Variants in LRRFIP1 observed in about 807,000 individuals in gnomAD.
The protein encoded by LRRFIP1 is leucine-rich repeat flightless-interacting protein 1.
In LRRFIP1, 62 loss-of-function variants were observed where a neutral mutation model predicts 104.4. The observed-to-expected ratio is 0.59, with a 90% confidence interval of 0.48 to 0.73. The LOEUF is 0.73. Ranked by LOEUF, LRRFIP1 falls within the 30% of genes least tolerant of loss-of-function variation. The pLI is 0.00. For synonymous variants in LRRFIP1, 300 were observed against 299.0 expected (o/e 1.00, Z -0.03); for missense variants, 796 against 824.5 (o/e 0.97, Z 0.42).
chr2:237,745,697 C>T (rs914238824), intron 11 of LRRFIP1, among the ~76,000 whole-genome samples: 5 of 152,088 alleles, frequency 3.3e-5, no homozygotes, highest in African/African-American at 4.8e-5. Flanking sequence ...CCTTCTTTTA[C>T]GGTCTCAGAT....
At chr2:237,654,418 G>A (rs1159941505) in intron 1 of LRRFIP1, among the ~76,000 whole-genome samples, 1 of 152,220 alleles carries the variant, frequency 6.6e-6, no homozygotes, top group Non-Finnish European at 1.5e-5. Flanking sequence ...TGGTGGGAAT[G>A]TAAATCAGTA....
chr2:237,742,097 A>G (rs2057174331), intron 11 of LRRFIP1, among the ~76,000 whole-genome samples: 1 of 152,268 alleles, frequency 6.6e-6, no homozygotes, highest in East Asian at 1.9e-4. Context: ...AAATTGACCG[A>G]AGAGACTGAA....
intron 3 of LRRFIP1, 85 bp downstream of exon 3, chr2:237,714,361 T>G (rs1235858148): frequency 7.5e-6 from 8 of 1,063,212 alleles, no homozygotes; most frequent in Non-Finnish European, 1.1e-5. Context: ...AAATAACACC[T>G]TGCACTGAAG....
intron 1 of LRRFIP1, among the ~76,000 whole-genome samples, chr2:237,685,116 CCA>C (rs546984227): frequency 0.12 from 4,446 of 36,320 alleles, 251 homozygotes; most frequent in African/African-American, 0.28. Flanking sequence ...CCTCCCCCCC[CCA>C]CACAAAAAAA....
intron 11 of LRRFIP1, among the ~76,000 whole-genome samples, chr2:237,744,338 G>A (rs1025145686): frequency 5.3e-5 from 8 of 152,158 alleles, no homozygotes; most frequent in Non-Finnish European, 1.2e-4. Flanking sequence ...TCCAAGTCTG[G>A]TGTTGCCTGG....
chr2:237,732,879 G>A (rs2095073251), intron 8 of LRRFIP1, among the ~76,000 whole-genome samples: 1 of 152,158 alleles, frequency 6.6e-6, no homozygotes, highest in Non-Finnish European at 1.5e-5. Context: ...GGGTCTCCCC[G>A]CTGTTTCCTG....
rs149433277 is a variant in LRRFIP1, at chr2:237,648,228, C to G, written c.96+20488C>G. Among the ~76,000 whole-genome samples the G allele has an allele frequency of 3.9e-5, 6 of 152,002 alleles. No homozygotes were observed. The East Asian group carries it at 9.6e-4, about 24-fold the overall frequency. ...TGAGCCCTAGCCCTTCCCCTAGCAG[C>G]CAACTCAGCACCCGTGTTCTAAGGA... On this transcript the variant is annotated intron_variant, in intron 1 of 23. Transcript: ENST00000308482.
intron 1 of LRRFIP1, among the ~76,000 whole-genome samples, chr2:237,674,064 C>T (rs1559516833): frequency 6.6e-6 from 1 of 152,188 alleles, no homozygotes; most frequent in Non-Finnish European, 1.5e-5. Context: ...ACTGCTGCTG[C>T]CCCCGCGGGA....
At chr2:237,687,755 G>A (rs1388739357) in intron 1 of LRRFIP1, among the ~76,000 whole-genome samples, 1 of 152,184 alleles carries the variant, frequency 6.6e-6, no homozygotes, top group East Asian at 1.9e-4. Flanking sequence ...TTAGGGCTCT[G>A]ATTTAGAAAA....
chr2:237,730,635 G>A (rs2094958190), intron 8 of LRRFIP1, among the ~76,000 whole-genome samples: 1 of 152,090 alleles, frequency 6.6e-6, no homozygotes, highest in African/African-American at 2.4e-5. Flanking sequence ...TAAATAGGAA[G>A]GGCCAGGTGT....
intron 20 of LRRFIP1, 145 bp downstream of exon 20, chr2:237,770,137 C>G: frequency 1.5e-6 from 1 of 654,064 alleles, no homozygotes; most frequent in East Asian, 2.7e-5. Context: ...CTTAAGATTG[C>G]TATCCAAATA....
At chr2:237,736,606 C>T (rs1286708116) in intron 10 of LRRFIP1, among the ~76,000 whole-genome samples, 1 of 152,164 alleles carries the variant, frequency 6.6e-6, no homozygotes, top group Non-Finnish European at 1.5e-5. Context: ...AGATGGGCTT[C>T]GGGAGTCGTC....
At chr2:237,757,134 G>T (rs2059353852) in intron 16 of LRRFIP1, among the ~76,000 whole-genome samples, 1 of 152,208 alleles carries the variant, frequency 6.6e-6, no homozygotes, top group Non-Finnish European at 1.5e-5. Flanking sequence ...TGTGTTTTAA[G>T]CTGCTGAATT....
intron 10 of LRRFIP1, among the ~76,000 whole-genome samples, chr2:237,737,856 CCT>C (rs1485530049): frequency 6.6e-6 from 1 of 152,092 alleles, no homozygotes; most frequent in Non-Finnish European, 1.5e-5. Flanking sequence ...ACGTCTTGCC[CCT>C]GAGTGTAAGT....
chr2:237,754,702 A>G (rs1254069631), intron 15 of LRRFIP1, among the ~76,000 whole-genome samples: 2 of 152,214 alleles, frequency 1.3e-5, no homozygotes, highest in East Asian at 1.9e-4. Context: ...CATTTTACGC[A>G]CAAAGTTCCT....
chr2:237,649,729 C>T lies in LRRFIP1; in HGVS notation c.96+21989C>T, dbSNP rs1044911023. Among the ~76,000 whole-genome samples the T allele has an allele frequency of 6.6e-5, 10 of 152,122 alleles. No homozygotes were observed. The highest frequency in any genetic ancestry group is 2.0e-4 in the Admixed American group (3 of 15,294). On this transcript the variant is annotated intron_variant, in intron 1 of 23. Transcript: ENST00000308482. The surrounding 1 kb of genome is among the most constrained non-coding windows in gnomAD (Gnocchi z 4.1). Reference sequence around the variant, plus strand: ...CCCATCGCCTCCTCTCTCCCTGCCGCGGTTCGGAAGCTCCACGGGGGCCAG... The same window carrying T: ...CCCATCGCCTCCTCTCTCCCTGCCGTGGTTCGGAAGCTCCACGGGGGCCAG...
rs529996237 is a variant in LRRFIP1 at position 237,747,945 on chromosome 2, AAAAG to A, written c.634-415_634-412del. Among the ~76,000 whole-genome samples the A allele has an allele frequency of 5.3e-4, 81 of 152,286 alleles. No homozygotes were observed. In the South Asian group the frequency reaches 8.1e-3, roughly 15 times the overall value. On this transcript the variant is annotated intron_variant, in intron 11 of 23. Transcript: ENST00000308482. ...AACAAACAAACAAAAAAAGGAGAAA[AAAAG>A]AAACCTGTCTTTTGTTGGATGCTGA...
chr2:237,772,666 G>A lies in LRRFIP1; in HGVS notation c.1628-200G>A. Reference sequence around the variant, plus strand: ...CTGAGGTTTCCTGCCCCAAGCACAGGGGCGGAAGGCACTTTCCCTGGGTTC... The same window carrying A: ...CTGAGGTTTCCTGCCCCAAGCACAGAGGCGGAAGGCACTTTCCCTGGGTTC... On this transcript the variant is annotated intron_variant, in intron 21 of 23. Transcript: ENST00000308482. 4 of 592,908 alleles carry A rather than the reference G, an allele frequency of 6.7e-6. No individual in the cohort carries two copies. The South Asian group carries it at 8.3e-5, about 12-fold the overall frequency. 36.7% of individuals were successfully genotyped at this position (592,908 alleles called of 1,614,324 possible).
At position 237,714,661 on chromosome 2, in the gene LRRFIP1, A is replaced by G. The variant is rs78239820; in HGVS notation, c.201+385A>G. 8.8e-3 allele frequency among the ~76,000 whole-genome samples: 1,348 copies of G among 152,386 alleles called. 20 individuals carry two copies. The highest frequency in any genetic ancestry group is 0.03 in the African/African-American group (1,248 of 41,590). On this transcript the variant is annotated intron_variant, in intron 3 of 23. Coordinates refer to ENST00000308482, the MANE Select transcript of LRRFIP1 (RefSeq NM_001137550.2). ...AAACTTAAAAAATTCCATACAAATT[A>G]CCACACATTGAGAGATTATTAGATA...
Sources: allele counts gnomAD v4.1 joint callset (sites outside exome capture counted in the v4.1 genomes callset), GRCh38; gene constraint gnomAD v4.1.1; non-coding constraint Gnocchi (gnomAD v3.1); transcripts MANE v1.5; gene names NCBI Gene and HGNC (gene_info 2026-07-23, HGNC 2026-07-21).